The following LARGE1 variants were observed in gnomAD, a reference collection of about 807,000 sequenced individuals.
The protein encoded by LARGE1 is xylosyl- and glucuronyltransferase LARGE1.
In LARGE1, 43 loss-of-function variants were observed where a neutral mutation model predicts 87.6. That is an observed-to-expected ratio of 0.49 (90% CI 0.38 to 0.63). LARGE1 has a LOEUF of 0.63. Ranked by LOEUF, LARGE1 falls within the 30% of genes least tolerant of loss-of-function variation. The pLI is 0.00. For missense variants in LARGE1, 802 were observed against 1,000.2 expected, an observed-to-expected ratio of 0.80 and a Z score of 2.67; for synonymous variants, 434 against 394.6, an observed-to-expected ratio of 1.10 and a Z score of -1.18.
chr22:33,092,839 T>G, the LARGE1 span, among the ~76,000 whole-genome samples: 1 of 152,174 alleles, frequency 6.6e-6, no homozygotes, highest in Non-Finnish European at 1.5e-5. Context: ...TCTCATGGTG[T>G]GTAGGTACCA....
chr22:33,784,143 G>A (rs751499493), intron 1 of LARGE1, among the ~76,000 whole-genome samples: 25 of 152,018 alleles, frequency 1.6e-4, no homozygotes, highest in Middle Eastern at 3.2e-3. Context: ...TTTTCGTTTC[G>A]TTTTGTTTAA....
chr22:33,917,324 T>TG (rs1418116901), intron 1 of LARGE1, among the ~76,000 whole-genome samples: 3 of 152,298 alleles, frequency 2.0e-5, no homozygotes, highest in South Asian at 2.1e-4. Context: ...ACCTAGGCAA[T>TG]GGGGCAGTCA....
chr22:33,420,208 T>C (rs889196576), intron 7 of LARGE1, among the ~76,000 whole-genome samples: 5 of 152,218 alleles, frequency 3.3e-5, no homozygotes, highest in Non-Finnish European at 5.9e-5. Context: ...AAATTATTTA[T>C]TTTATTCAAC....
At chr22:33,561,763 C>T (rs1388435810) in intron 6 of LARGE1, among the ~76,000 whole-genome samples, 5 of 152,150 alleles carry the variant, frequency 3.3e-5, no homozygotes, top group Non-Finnish European at 5.9e-5. Context: ...AGGTGCAAAC[C>T]GCTGACATAG....
chr22:33,081,587 TTTTTTC>T, the LARGE1 span, among the ~76,000 whole-genome samples: 3 of 151,876 alleles, frequency 2.0e-5, no homozygotes, highest in Admixed American at 1.3e-4. Flanking sequence ...ATACCAGGGA[TTTTTTC>T]AAACTTTTTG....
chr22:33,569,905 T>C (rs143137611), intron 5 of LARGE1, among the ~76,000 whole-genome samples: 2 of 152,328 alleles, frequency 1.3e-5, no homozygotes, highest in East Asian at 3.9e-4. Flanking sequence ...TCAAAAACTG[T>C]TTGATGAATG....
At chr22:33,484,030 G>A (rs1157241941) in intron 6 of LARGE1, among the ~76,000 whole-genome samples, 2 of 152,126 alleles carry the variant, frequency 1.3e-5, no homozygotes, top group Non-Finnish European at 2.9e-5. Context: ...GCCGCGACAC[G>A]GGCCTCATTG....
intron 9 of LARGE1, among the ~76,000 whole-genome samples, chr22:33,379,356 T>C (rs1036551204): frequency 3.9e-5 from 6 of 152,024 alleles, no homozygotes; most frequent in Admixed American, 1.3e-4. Context: ...GTTGGTGTGC[T>C]GCACCCACTA....
intron 11 of LARGE1, among the ~76,000 whole-genome samples, chr22:33,234,265 G>A (rs1269377146): frequency 2.0e-5 from 3 of 152,204 alleles, no homozygotes; most frequent in Admixed American, 6.5e-5. Flanking sequence ...CTTCAAGGAA[G>A]TGACATATAT....
intron 6 of LARGE1, among the ~76,000 whole-genome samples, chr22:33,466,727 C>T (rs2068633536): frequency 8.8e-6 from 1 of 113,556 alleles, no homozygotes; most frequent in South Asian, 3.0e-4. Context: ...CACACACACA[C>T]TACACACACA....
chr22:33,378,606 C>T (rs2065060608), intron 9 of LARGE1, among the ~76,000 whole-genome samples: 1 of 152,062 alleles, frequency 6.6e-6, no homozygotes, highest in Non-Finnish European at 1.5e-5. Flanking sequence ...TGAGAAAAAC[C>T]ACTGTTTTTC....
rs3072360 is a variant in LARGE1, at chr22:33,872,359, C to CTATTATTAT, written c.-83+47627_-83+47635dup. On this transcript the variant is annotated intron_variant, in intron 1 of 14. Coordinates refer to ENST00000397394, the MANE Select transcript of LARGE1 (RefSeq NM_133642.5). Reference sequence around the variant, plus strand: ...AGAGCAGACACGCAGTAAATGCTATCTATTATTATTATTATTATTATTATT... The same window carrying CTATTATTAT: ...AGAGCAGACACGCAGTAAATGCTATCTATTATTATTATTATTATTATTATTATTATTATT... Among the ~76,000 whole-genome samples the CTATTATTAT allele has an allele frequency of 2.2e-3, 319 of 142,788 alleles. 4 individuals carry two copies. The East Asian group carries it at 0.032, about 14-fold the overall frequency. The allele number at this position is 142,788 out of a possible 152,430, so 93.7% of individuals were successfully genotyped here.
chr22:33,765,197 G>A (rs1279345968), intron 1 of LARGE1, among the ~76,000 whole-genome samples: 1 of 152,080 alleles, frequency 6.6e-6, no homozygotes, highest in Admixed American at 6.5e-5. Context: ...AACTGGCCAA[G>A]GATTATACAC....
rs1340100995 is a variant in LARGE1, at chr22:33,659,003, C to T, written c.107-8335G>A. 2.6e-5 allele frequency among the ~76,000 whole-genome samples: 4 copies of T among 152,270 alleles called. No homozygotes were observed. In the East Asian group the frequency reaches 7.7e-4, roughly 29 times the overall value. ...TCTCTCAGCAGCTTCCATCATGTGA[C>T]CCAGACCCACATGATTTCCTGGTAT... On this transcript the variant is annotated intron_variant, in intron 2 of 14. Transcript: ENST00000397394.
At chr22:33,741,249 A>G (rs923503399) in intron 2 of LARGE1, among the ~76,000 whole-genome samples, 6 of 152,222 alleles carry the variant, frequency 3.9e-5, no homozygotes, top group African/African-American at 1.4e-4. Flanking sequence ...ACAATAGCTC[A>G]CCTGATACAT....
intron 7 of LARGE1, among the ~76,000 whole-genome samples, chr22:33,414,557 T>A (rs1363886825): frequency 6.6e-6 from 1 of 152,192 alleles, no homozygotes; most frequent in African/African-American, 2.4e-5. Flanking sequence ...CATGTTCAGA[T>A]GCTAAGAAAA....
At chr22:33,609,856 T>C (rs2079378228) in intron 4 of LARGE1, among the ~76,000 whole-genome samples, 1 of 152,050 alleles carries the variant, frequency 6.6e-6, no homozygotes, top group Admixed American at 6.5e-5. Flanking sequence ...AGAGAAACTC[T>C]TTTTTTAAGA....
intron 11 of LARGE1, among the ~76,000 whole-genome samples, chr22:33,243,182 A>G (rs145689669): frequency 2.0e-3 from 305 of 152,362 alleles, no homozygotes; most frequent in African/African-American, 7.0e-3. Context: ...ACAAGACAGA[A>G]TTAACAATAA....
At chr22:33,292,241 C>T (rs1402070400) in intron 12 of LARGE1, among the ~76,000 whole-genome samples, 1 of 152,132 alleles carries the variant, frequency 6.6e-6, no homozygotes, top group Non-Finnish European at 1.5e-5. Flanking sequence ...AAAAAATTAC[C>T]CAGTCTCCAG....
Sources: gnomAD v4.1 joint callset for allele counts (sites outside exome capture counted in the v4.1 genomes callset) on GRCh38, gnomAD v4.1.1 for gene constraint, MANE v1.5 for transcripts, NCBI Gene and HGNC (gene_info 2026-07-23, HGNC 2026-07-21) for gene names.